The following RAPGEF1 variants were observed in gnomAD, a reference collection of about 807,000 sequenced individuals.
The protein encoded by RAPGEF1 is CRK SH3-binding GNRP.
RAPGEF1 carries 33 observed loss-of-function variants against 143.3 expected under a neutral mutation model. The observed-to-expected ratio is 0.23, with a 90% CI of 0.17 to 0.31. The LOEUF (loss-of-function observed/expected upper bound fraction) is 0.31, where lower values mean the gene tolerates loss of function less well. RAPGEF1 is among the 10% of genes least tolerant of loss of function. The pLI, the probability that RAPGEF1 is intolerant of heterozygous loss-of-function variation, is 1.00. For synonymous variants in RAPGEF1, 629 were observed against 676.5 expected (o/e 0.93, Z 1.09); for missense variants, 1,199 against 1,645.4 (o/e 0.73, Z 4.69).
intron 26 of RAPGEF1, 84 bp from the exon 27 acceptor site, chr9:131,579,731 G>A (rs1216958304): frequency 1.7e-5 from 25 of 1,441,286 alleles, no homozygotes; most frequent in South Asian, 2.5e-5. Flanking sequence ...AAGGTGCCGC[G>A]GGGACCATCC....
chr9:131,606,798 AT>A (rs933232391), intron 12 of RAPGEF1, among the ~76,000 whole-genome samples: 1 of 151,870 alleles, frequency 6.6e-6, no homozygotes, highest in East Asian at 1.9e-4. Context: ...TCACTTTTTG[AT>A]TTTTTTGTAG....
rs1836542945 is a variant in RAPGEF1 at position 131,724,934 on chromosome 9, G to C, written c.61+14836C>G. 3.3e-5 allele frequency among the ~76,000 whole-genome samples: 5 copies of C among 152,270 alleles called. No homozygotes were observed. The South Asian group carries it at 1.0e-3, about 32-fold the overall frequency. On this transcript the variant is annotated intron_variant, in intron 1 of 26. Coordinates refer to ENST00000683357, the MANE Select transcript of RAPGEF1 (RefSeq NM_001377935.1). Reference sequence around the variant, plus strand: ...TTGTGCTTACCCATTTATCATAAAGGATATTACAAAGGACACAGATGAAGA... The same window carrying C: ...TTGTGCTTACCCATTTATCATAAAGCATATTACAAAGGACACAGATGAAGA...
At chr9:131,684,368 T>C (rs527844710) in intron 1 of RAPGEF1, among the ~76,000 whole-genome samples, 6 of 152,352 alleles carry the variant, frequency 3.9e-5, no homozygotes, top group Non-Finnish European at 8.8e-5. Context: ...TTCCAGCTTC[T>C]ATTAAAACAA....
At position 131,669,695 on chromosome 9, in the gene RAPGEF1, G is replaced by T. The variant is rs544631483; in HGVS notation, c.62-18746C>A. On this transcript the variant is annotated intron_variant, in intron 1 of 26. Coordinates refer to ENST00000683357, the MANE Select transcript of RAPGEF1 (RefSeq NM_001377935.1). The stretch of plus-strand genomic sequence containing the variant: ...GGGCTGGGATAGAAGAGCCCACCCT[G>T]GTGCTACTGATACCAGCTGACTCTT... Among the ~76,000 whole-genome samples, 3 of 152,244 alleles carry T rather than the reference G, an allele frequency of 2.0e-5. No homozygotes were observed. The East Asian group carries it at 5.8e-4, about 29-fold the overall frequency.
chr9:131,585,583 C>T (rs1952591964), intron 22 of RAPGEF1, among the ~76,000 whole-genome samples: 1 of 152,254 alleles, frequency 6.6e-6, no homozygotes, highest in South Asian at 2.1e-4. Flanking sequence ...CAGCTTCCGT[C>T]TGCTTTAGAA....
chr9:131,659,513 C>CA (rs1400701553), intron 1 of RAPGEF1, among the ~76,000 whole-genome samples: 6 of 152,128 alleles, frequency 3.9e-5, no homozygotes, highest in Non-Finnish European at 7.3e-5. Context: ...GCCATCACGC[C>CA]AGGCCTGTGT....
rs930229012 is a variant in RAPGEF1, at chr9:131,583,171, G to A, written c.3415-469C>T. Among the ~76,000 whole-genome samples the A allele has an allele frequency of 2.0e-5, 3 of 152,142 alleles. No homozygotes were observed. Among genetic ancestry groups the A allele is most frequent in the Non-Finnish European group, 4.4e-5 (3 of 68,020 alleles). On this transcript the variant is annotated intron_variant, in intron 24 of 26. Coordinates refer to ENST00000683357, the MANE Select transcript of RAPGEF1 (RefSeq NM_001377935.1). This position sits in a 1 kb window ranked among gnomAD's most constrained non-coding sequence, Gnocchi z 4.7. ...TGTGACCTCGCCCTCCCCAGGGCTG[G>A]GTGGCTTCTCTCCTGCAGGGGTGGG... is the stretch of plus-strand genomic sequence containing the variant.
chr9:131,631,312 C>T (rs4614042), intron 5 of RAPGEF1, among the ~76,000 whole-genome samples: 17 of 152,328 alleles, frequency 1.1e-4, no homozygotes, highest in African/African-American at 3.4e-4. Context: ...TTCTCATCAC[C>T]CCATAAGGAA....
intron 10 of RAPGEF1, among the ~76,000 whole-genome samples, chr9:131,625,302 G>A (rs1274477168): frequency 6.6e-6 from 1 of 152,206 alleles, no homozygotes; most frequent in Non-Finnish European, 1.5e-5. Context: ...CGAATTTCCA[G>A]GAGAACTCTC....
At chr9:131,671,599 G>C (rs1462297708) in intron 1 of RAPGEF1, among the ~76,000 whole-genome samples, 1 of 152,228 alleles carries the variant, frequency 6.6e-6, no homozygotes, top group Non-Finnish European at 1.5e-5. Context: ...CTCCAACCCA[G>C]GGCTATGGCA....
intron 1 of RAPGEF1, chr9:131,737,365 T>C (rs777629942): frequency 6.2e-7 from 1 of 1,613,710 alleles, no homozygotes; most frequent in Admixed American, 1.7e-5. Context: ...TCCCCTCCAG[T>C]GTCTTCCTCA....
intron 1 of RAPGEF1, among the ~76,000 whole-genome samples, chr9:131,707,100 A>G (rs968580731): frequency 2.0e-5 from 3 of 152,240 alleles, no homozygotes; most frequent in African/African-American, 7.2e-5. Context: ...TTAAATTTCT[A>G]TTCTAAAAGT....
intron 12 of RAPGEF1, among the ~76,000 whole-genome samples, chr9:131,605,923 A>G (rs950735692): frequency 6.6e-6 from 1 of 152,058 alleles, no homozygotes; most frequent in African/African-American, 2.4e-5. Flanking sequence ...AAAATACAAA[A>G]ATGAGCTGGG....
chr9:131,682,260 T>C (rs1225460883), intron 1 of RAPGEF1, among the ~76,000 whole-genome samples: 2 of 152,186 alleles, frequency 1.3e-5, no homozygotes, highest in Admixed American at 6.5e-5. Flanking sequence ...AAGGAAAACA[T>C]TGGGCTAATC....
rs530227069 is a variant in RAPGEF1 at position 131,645,126 on chromosome 9, C to T, written c.316-1709G>A. 1.2e-4 allele frequency among the ~76,000 whole-genome samples: 18 copies of T among 152,366 alleles called. No homozygotes were observed. In the South Asian group the frequency reaches 3.1e-3, roughly 26 times the overall value. On this transcript the variant is annotated intron_variant, in intron 3 of 26. Coordinates refer to ENST00000683357, the MANE Select transcript of RAPGEF1 (RefSeq NM_001377935.1). ...CTGTTTCCAAGAGGCTGGGCGCTTA[C>T]TTTTCCACCTCGTGGACAAGAGCTC... is the stretch of plus-strand genomic sequence containing the variant.
At chr9:131,640,929 C>T (rs1293243430) in intron 4 of RAPGEF1, among the ~76,000 whole-genome samples, 1 of 152,262 alleles carries the variant, frequency 6.6e-6, no homozygotes, top group East Asian at 1.9e-4. Flanking sequence ...AGGAAAACCC[C>T]TTCAATGGGA....
chr9:131,692,664 T>C (rs1037923997), intron 1 of RAPGEF1, among the ~76,000 whole-genome samples: 13 of 152,234 alleles, frequency 8.5e-5, no homozygotes. Flanking sequence ...TTTATCATAA[T>C]GAGGCTCTGA....
rs890690184 is a variant in RAPGEF1 at position 131,605,001 on chromosome 9, G to A, written c.2249C>T (p.Ser750Leu). 5.9e-6 allele frequency: 8 copies of A among 1,353,918 alleles called. No individual in the cohort carries two copies. The highest frequency in any genetic ancestry group is 1.2e-5 in the South Asian group (1 of 85,646). The allele number at this position is 1,353,918 out of a possible 1,614,324, so 83.9% of individuals were successfully genotyped here. The change falls in exon 13 of 27, where the codon TCG becomes TTG. Residue 750 changes from serine (S) to leucine (L), a missense_variant. By Grantham distance (145) the Ser-to-Leu change is moderately radical. Around this residue, in one of 6 missense-constraint regions of RAPGEF1, gnomAD observed 293 missense variants for 356.2 expected, o/e 0.82. Coordinates refer to ENST00000683357, the MANE Select transcript of RAPGEF1 (RefSeq NM_001377935.1). The part of the protein sequence containing the change: ...PPPSTVDGPL[S>L]ASQESSFHGN... ...ATGAAAGCTGCTCTCCTGAGAAGCC[G>A]AGAGAGGCCCGTCCACGGTGCTGGG...
intron 12 of RAPGEF1, among the ~76,000 whole-genome samples, chr9:131,609,972 C>T (rs1362224747): frequency 6.6e-6 from 1 of 152,226 alleles, no homozygotes; most frequent in Non-Finnish European, 1.5e-5. Flanking sequence ...TCTTGGCTCA[C>T]TGTAGCCTCA....
Sources: allele counts gnomAD v4.1 joint callset (sites outside exome capture counted in the v4.1 genomes callset), GRCh38; gene constraint gnomAD v4.1.1; regional missense constraint gnomAD v4.1.1; non-coding constraint Gnocchi (gnomAD v3.1); transcripts MANE v1.5; gene names NCBI Gene and HGNC (gene_info 2026-07-23, HGNC 2026-07-21).